Variants in POFUT3 observed in about 807,000 individuals in gnomAD.
POFUT3 encodes GDP-fucose protein O-fucosyltransferase 3.
the POFUT3 span, among the ~76,000 whole-genome samples, chr8:33,388,397 C>T: frequency 7.5e-6 from 1 of 133,112 alleles, no homozygotes; most frequent in South Asian, 2.5e-4. Context: ...AGTATTGTGG[C>T]ATGATCTCGG....
chr8:33,404,105 AG>A, the POFUT3 span, among the ~76,000 whole-genome samples: 2 of 152,172 alleles, frequency 1.3e-5, no homozygotes, highest in Non-Finnish European at 1.5e-5. Flanking sequence ...TGGGAGGCCA[AG>A]GCAGGCAGAT....
chr8:33,463,843 T>C, the POFUT3 span, among the ~76,000 whole-genome samples: 1 of 152,178 alleles, frequency 6.6e-6, no homozygotes, highest in African/African-American at 2.4e-5. Flanking sequence ...TGAGCCACCG[T>C]GCACGGCCTT....
the POFUT3 span, chr8:33,389,749 A>G: frequency 1.2e-6 from 2 of 1,614,210 alleles, no homozygotes; most frequent in Non-Finnish European, 1.7e-6. Context: ...CAGCCCAGTC[A>G]TGATGGGCTT....
the POFUT3 span, among the ~76,000 whole-genome samples, chr8:33,320,802 T>G: frequency 6.6e-6 from 1 of 151,786 alleles, no homozygotes; most frequent in East Asian, 1.9e-4. Flanking sequence ...AGAGGTAGAG[T>G]CAGAAAACCA....
chr8:33,424,583 C>T, the POFUT3 span, among the ~76,000 whole-genome samples: 2 of 152,284 alleles, frequency 1.3e-5, no homozygotes, highest in African/African-American at 2.4e-5. Flanking sequence ...GCAGGATGCC[C>T]GGCCACGGAC....
At chr8:33,432,087 C>A in the POFUT3 span, among the ~76,000 whole-genome samples, 5 of 152,176 alleles carry the variant, frequency 3.3e-5, no homozygotes, top group African/African-American at 1.2e-4. Context: ...CCAGCCTGAG[C>A]AACATAGTGA....
At chr8:33,314,723 C>T in the POFUT3 span, among the ~76,000 whole-genome samples, 6 of 152,244 alleles carry the variant, frequency 3.9e-5, no homozygotes, top group East Asian at 1.9e-4. Flanking sequence ...GTAGGAAAAA[C>T]GGTGATATAG....
At chr8:33,428,794 C>T in the POFUT3 span, among the ~76,000 whole-genome samples, 6 of 152,166 alleles carry the variant, frequency 3.9e-5, no homozygotes, top group African/African-American at 1.4e-4. Flanking sequence ...TTGGCTCTTC[C>T]ACCACGGGAT....
At chr8:33,455,697 C>T in the POFUT3 span, 1 of 414,148 alleles carries the variant, frequency 2.4e-6, no homozygotes, top group African/African-American at 2.1e-5. Context: ...GTGTTAACTG[C>T]TCCACCAGTC....
chr8:33,461,252 T>C, the POFUT3 span: 449 of 986,454 alleles, frequency 4.6e-4, 1 homozygote, highest in Non-Finnish European at 6.0e-4. Context: ...GAACCAACCC[T>C]GATCCTGAAC....
At chr8:33,449,750 T>C in the POFUT3 span, among the ~76,000 whole-genome samples, 9 of 151,942 alleles carry the variant, frequency 5.9e-5, no homozygotes, top group Admixed American at 5.9e-4. Context: ...AACTAAGCTA[T>C]AGCCAACCAC....
At chr8:33,428,455 A>T in the POFUT3 span, among the ~76,000 whole-genome samples, 2 of 152,246 alleles carry the variant, frequency 1.3e-5, no homozygotes, top group Admixed American at 6.5e-5. Context: ...ATGAATGTCA[A>T]ACTTCTCTCC....
At chr8:33,362,947 C>G in the POFUT3 span, among the ~76,000 whole-genome samples, 1 of 152,174 alleles carries the variant, frequency 6.6e-6, no homozygotes, top group Non-Finnish European at 1.5e-5. Context: ...GAAATCTCCA[C>G]CCCAAATCAA....
chr8:33,390,343 G>A, the POFUT3 span, among the ~76,000 whole-genome samples: 2 of 151,936 alleles, frequency 1.3e-5, no homozygotes, highest in African/African-American at 4.8e-5. Context: ...CTCATTTTAC[G>A]AAAAAGGAAA....
chr8:33,419,308 T>C, the POFUT3 span, among the ~76,000 whole-genome samples: 1 of 152,230 alleles, frequency 6.6e-6, no homozygotes. Flanking sequence ...CACCAGGGAC[T>C]GGTTTCATGG....
the POFUT3 span, among the ~76,000 whole-genome samples, chr8:33,427,854 C>T: frequency 2.6e-5 from 4 of 151,704 alleles, no homozygotes; most frequent in South Asian, 2.1e-4. Flanking sequence ...CAGCCTGGCG[C>T]GGTGGCTTAC....
At chr8:33,440,797 G>C in the POFUT3 span, among the ~76,000 whole-genome samples, 125 of 152,196 alleles carry the variant, frequency 8.2e-4, no homozygotes, top group African/African-American at 2.9e-3. Context: ...TTCCTTCTGA[G>C]GGGTCATTTT....
At chr8:33,389,839 G>A in the POFUT3 span, 1 of 1,418,892 alleles carries the variant, frequency 7.0e-7, no homozygotes, top group African/African-American at 1.4e-5. Flanking sequence ...ATTTCCAAAA[G>A]ATGTTGCTAA....
At chr8:33,460,526 C>T in the POFUT3 span, among the ~76,000 whole-genome samples, 1 of 152,296 alleles carries the variant, frequency 6.6e-6, no homozygotes, top group South Asian at 2.1e-4. Flanking sequence ...CTGTGTTCTA[C>T]ACTTACTACA....
Sources: gnomAD v4.1 joint callset for allele counts (sites outside exome capture counted in the v4.1 genomes callset) on GRCh38, gnomAD v4.1.1 for gene constraint, MANE v1.5 for transcripts, NCBI Gene and HGNC (gene_info 2026-07-23, HGNC 2026-07-21) for gene names.